Variants in PCDHGA8 observed in about 807,000 individuals in gnomAD.
PCDHGA8 encodes the protein protocadherin gamma subfamily A, 8.
PCDHGA8 carries 45 observed loss-of-function variants against 59.2 expected under a neutral mutation model. The observed-to-expected ratio is 0.76, with a 90% CI of 0.60 to 0.98. The LOEUF (loss-of-function observed/expected upper bound fraction) is 0.98. Ranked by LOEUF, PCDHGA8 falls within the 50% of genes least tolerant of loss-of-function variation. The probability of loss-of-function intolerance (pLI) is 0.00; values close to 1 mark genes in which losing one functional copy is unlikely to be tolerated. For missense variants in PCDHGA8, 1,257 were observed against 1,196.2 expected (o/e 1.05, Z -0.75); for synonymous variants, 531 against 519.0 (o/e 1.02, Z -0.32).
At chr5:141,462,905 T>G (rs542357408) in intron 1 of PCDHGA8, among the ~76,000 whole-genome samples, 265 of 152,356 alleles carry the variant, frequency 1.7e-3, no homozygotes, top group Non-Finnish European at 3.1e-3. Flanking sequence ...AAGGCTATTA[T>G]GTTTTTTGCA....
At chr5:141,434,658 T>C (rs1243599957) in intron 1 of PCDHGA8, among the ~76,000 whole-genome samples, 2 of 152,198 alleles carry the variant, frequency 1.3e-5, no homozygotes, top group African/African-American at 2.4e-5. Flanking sequence ...ATCTAATATC[T>C]ATAGAAATGA....
At chr5:141,497,713 T>C (rs1357797720) in intron 2 of PCDHGA8, among the ~76,000 whole-genome samples, 3 of 152,084 alleles carry the variant, frequency 2.0e-5, no homozygotes, top group Non-Finnish European at 1.5e-5. Context: ...CTCATTTTTG[T>C]ATTTTTAGTA....
At chr5:141,455,289 A>G (rs1592356100) in intron 1 of PCDHGA8, among the ~76,000 whole-genome samples, 2 of 152,192 alleles carry the variant, frequency 1.3e-5, no homozygotes, top group East Asian at 3.9e-4. Context: ...ATCACTTTAC[A>G]TAGTTTCATC....
At chr5:141,467,018 CTTTGT>C (rs1209768587) in intron 1 of PCDHGA8, among the ~76,000 whole-genome samples, 4 of 149,992 alleles carry the variant, frequency 2.7e-5, no homozygotes, top group African/African-American at 7.3e-5. Context: ...ATTTTTTTCC[CTTTGT>C]TTTTGTTTTT....
At chr5:141,452,240 C>G (rs1365703172) in intron 1 of PCDHGA8, among the ~76,000 whole-genome samples, 1 of 152,084 alleles carries the variant, frequency 6.6e-6, no homozygotes, top group Non-Finnish European at 1.5e-5. Flanking sequence ...TTCTTGTGTC[C>G]TTTTGCCATA....
At chr5:141,400,203 G>C in intron 1 of PCDHGA8, 1 of 1,613,996 alleles carries the variant, frequency 6.2e-7, no homozygotes, top group Non-Finnish European at 8.5e-7. Flanking sequence ...TGGTGGCCTT[G>C]GCCTTGATCT....
chr5:141,433,091 A>G (rs1344906248), intron 1 of PCDHGA8: 2 of 1,614,182 alleles, frequency 1.2e-6, no homozygotes, highest in African/African-American at 1.3e-5. Flanking sequence ...CTATGCAGAC[A>G]TGCTCGTCAG....
At chr5:141,415,747 T>G (rs774746065) in intron 1 of PCDHGA8, 22 of 797,580 alleles carry the variant, frequency 2.8e-5, no homozygotes, top group Middle Eastern at 5.1e-4. Context: ...AAGGTTTTTT[T>G]TTTTTTTTTT....
At position 141,431,260 on chromosome 5, in the gene PCDHGA8, G is replaced by A. The variant is rs762250032; in HGVS notation, c.2424+36023G>A. The A allele has an allele frequency of 6.2e-7, 1 of 1,614,170 alleles. No individual in the cohort carries two copies. The highest frequency in any genetic ancestry group is 2.2e-5 in the East Asian group (1 of 44,892). On this transcript the variant is annotated intron_variant, in intron 1 of 3. Coordinates refer to ENST00000398604, the MANE Select transcript of PCDHGA8 (RefSeq NM_032088.2). The surrounding 1 kb of genome is among the most constrained non-coding windows in gnomAD (Gnocchi z 4.8). The stretch of plus-strand genomic sequence containing the variant: ...ATCCGGATATCGGGAAGAACTCTCT[G>A]CAGAGCTACGAGCTCAGCCCGAACA...
At chr5:141,420,268 T>C (rs375162019) in intron 1 of PCDHGA8, 254 of 1,543,666 alleles carry the variant, frequency 1.6e-4, no homozygotes, top group Non-Finnish European at 2.1e-4. Context: ...AGAAGATTCT[T>C]AAACAGGTAA....
intron 1 of PCDHGA8, among the ~76,000 whole-genome samples, chr5:141,458,664 G>A (rs544369246): frequency 6.6e-6 from 1 of 152,196 alleles, no homozygotes; most frequent in African/African-American, 2.4e-5. Context: ...CCACCTCTCG[G>A]GTTCAAGCAA....
Position 141,491,077 on chromosome 5 carries a change from T to TAGGA in PCDHGA8, c.2425-3730_2425-3729insAGGA, listed in dbSNP as rs752090443. 1.2e-6 allele frequency: 2 copies of TAGGA among 1,614,166 alleles called. No homozygotes were observed. Among genetic ancestry groups the TAGGA allele is most frequent in the Admixed American group, 3.3e-5 (2 of 60,014 alleles). On this transcript the variant is annotated intron_variant, in intron 1 of 3. Transcript: ENST00000398604. This position sits in a 1 kb window ranked among gnomAD's most constrained non-coding sequence, Gnocchi z 6.9. The stretch of plus-strand genomic sequence containing the variant: ...GCTCTCCTACTCACTGTTGCCACAG[T>TAGGA]CCACAGCCCCAGGACTGTTCCTCGT...
Position 141,420,431 on chromosome 5 carries a change from A to G in PCDHGA8, c.2424+25194A>G, listed in dbSNP as rs183252328. 8.4e-5 allele frequency: 96 copies of G among 1,148,758 alleles called. No individual in the cohort carries two copies. In the African/African-American group the frequency reaches 1.3e-3, roughly 16 times the overall value. The allele number at this position is 1,148,758 out of a possible 1,614,324, so 71.2% of individuals were successfully genotyped here. Reference sequence around the variant, plus strand: ...TATCATTATTAAAACAAAAGTTTAAATTAAATGCCTCAGTCTTCCTACTAT... The same window carrying G: ...TATCATTATTAAAACAAAAGTTTAAGTTAAATGCCTCAGTCTTCCTACTAT... On this transcript the variant is annotated intron_variant, in intron 1 of 3. Transcript: ENST00000398604.
At chr5:141,405,334 T>C in intron 1 of PCDHGA8, 1 of 1,614,196 alleles carries the variant, frequency 6.2e-7, no homozygotes. Flanking sequence ...TGTGCGTCTC[T>C]GTTGATTCCA....
At chr5:141,427,222 A>T (rs536161247) in intron 1 of PCDHGA8, 8 of 456,774 alleles carry the variant, frequency 1.8e-5, no homozygotes, top group Non-Finnish European at 3.5e-5. Flanking sequence ...CGTAGCAGTT[A>T]TACCATGAGA....
At chr5:141,421,224 T>G (rs1401875673) in intron 1 of PCDHGA8, 2 of 1,582,072 alleles carry the variant, frequency 1.3e-6, no homozygotes, top group Admixed American at 3.6e-5. Flanking sequence ...GCTTAGAGCC[T>G]GCCATGGCGA....
At chr5:141,409,181 C>T (rs1280456560) in intron 1 of PCDHGA8, 2 of 1,613,992 alleles carry the variant, frequency 1.2e-6, no homozygotes, top group Non-Finnish European at 1.7e-6. Flanking sequence ...CGGAGGTGGT[C>T]TCTCTACCCA....
At chr5:141,428,134 T>C (rs746772496) in intron 1 of PCDHGA8, 1 of 1,600,266 alleles carries the variant, frequency 6.2e-7, no homozygotes, top group Non-Finnish European at 8.5e-7. Flanking sequence ...CTTTTCAGCC[T>C]GGGGCTGCAC....
In PCDHGA8 at chr5:141,487,160, G is replaced by A. The variant is rs1188929436; in HGVS notation, c.2425-7647G>A. 5.0e-6 allele frequency: 8 copies of A among 1,613,830 alleles called. No homozygotes were observed. The highest frequency in any genetic ancestry group is 5.1e-6 in the Non-Finnish European group (6 of 1,179,840). ...ACTCTCTACCTCTGTTACTCTCTTA[G>A]TGTCCTTAGAGGAAGACACTCATCC... On this transcript the variant is annotated intron_variant, in intron 1 of 3. Transcript: ENST00000398604. The surrounding 1 kb of genome is among the most constrained non-coding windows in gnomAD (Gnocchi z 5.0).
Sources: allele counts gnomAD v4.1 joint callset (sites outside exome capture counted in the v4.1 genomes callset), GRCh38; gene constraint gnomAD v4.1.1; non-coding constraint Gnocchi (gnomAD v3.1); transcripts MANE v1.5; gene names NCBI Gene and HGNC (gene_info 2026-07-23, HGNC 2026-07-21).